The following KHDRBS3 variants were observed in gnomAD, a reference collection of about 807,000 sequenced individuals.
KHDRBS3 encodes KH RNA binding domain containing, signal transduction associated 3, also known as KH domain-containing, RNA-binding, signal transduction-associated protein 3.
KHDRBS3 carries 23 observed loss-of-function variants against 45.6 expected under a neutral mutation model. That is an observed-to-expected ratio of 0.50 (90% confidence interval 0.36 to 0.72). The LOEUF (loss-of-function observed/expected upper bound fraction) is 0.72. Ranked by LOEUF, KHDRBS3 falls within the 30% of genes least tolerant of loss-of-function variation. KHDRBS3 has a pLI of 0.00. For synonymous variants in KHDRBS3, 162 were observed against 156.5 expected, an observed-to-expected ratio of 1.04 and a Z score of -0.26; for missense variants, 352 against 424.8, an observed-to-expected ratio of 0.83 and a Z score of 1.51.
rs200239230 is a variant in KHDRBS3 at position 135,516,599 on chromosome 8, A to T, written c.89-4638A>T. Among the ~76,000 whole-genome samples the T allele has an allele frequency of 3.0e-4, 18 of 59,824 alleles. 1 individual carries two copies. The East Asian group carries it at 4.2e-3, about 14-fold the overall frequency. The allele number at this position is 59,824 out of a possible 152,430, so 39.2% of individuals were successfully genotyped here. ...GTGTGTGTGTGTGTGTGTGTGTGTG[A>T]GTAAACAGTGCATTTGGTACCGATC... On this transcript the variant is annotated intron_variant, in intron 1 of 8. Coordinates refer to ENST00000355849, the MANE Select transcript of KHDRBS3 (RefSeq NM_006558.3).
At chr8:135,477,828 A>G (rs1319381012) in intron 1 of KHDRBS3, among the ~76,000 whole-genome samples, 1 of 152,210 alleles carries the variant, frequency 6.6e-6, no homozygotes, top group African/African-American at 2.4e-5. Context: ...GATTGGCGTG[A>G]TATGGCCATA....
chr8:135,528,772 T>A (rs1825320472), intron 2 of KHDRBS3, among the ~76,000 whole-genome samples: 1 of 152,172 alleles, frequency 6.6e-6, no homozygotes, highest in African/African-American at 2.4e-5. Context: ...TCTTGCTGCC[T>A]CCTCGCATAG....
intron 5 of KHDRBS3, among the ~76,000 whole-genome samples, chr8:135,561,368 T>C (rs1265524722): frequency 6.6e-6 from 1 of 152,128 alleles, no homozygotes; most frequent in East Asian, 1.9e-4. Context: ...TTGTTAACAT[T>C]ACCATTTTTC....
chr8:135,609,046 C>T (rs942371234), intron 7 of KHDRBS3, among the ~76,000 whole-genome samples: 9 of 152,084 alleles, frequency 5.9e-5, no homozygotes, highest in South Asian at 2.1e-4. Flanking sequence ...AGGACATTAC[C>T]GCGCACCACT....
In KHDRBS3 at chr8:135,512,437, G is replaced by GGA. The variant is rs895045193; in HGVS notation, c.89-8799_89-8798insAG. Among the ~76,000 whole-genome samples the GGA allele has an allele frequency of 5.5e-5, 7 of 128,378 alleles. 1 individual carries two copies. The highest frequency in any genetic ancestry group is 2.4e-4 in the Admixed American group (3 of 12,686). The allele number at this position is 128,378 out of a possible 152,430, so 84.2% of individuals were successfully genotyped here. A position where few individuals can be genotyped will look rare whatever the true frequency, so the allele number is the denominator to read the frequency against. On this transcript the variant is annotated intron_variant, in intron 1 of 8. Transcript: ENST00000355849. ...AAGGTGTTTGGAAAAGTCGGGGGGG[G>GGA]GGTAATAACTCTATTGATCTTATTA... is the stretch of plus-strand genomic sequence containing the variant.
At chr8:135,635,525 A>G (rs891462004) in intron 7 of KHDRBS3, among the ~76,000 whole-genome samples, 1 of 152,164 alleles carries the variant, frequency 6.6e-6, no homozygotes. Flanking sequence ...CTGGGATTAT[A>G]GGCATGCGCC....
chr8:135,499,777 A>AT (rs1563724598), intron 1 of KHDRBS3, among the ~76,000 whole-genome samples: 2 of 152,026 alleles, frequency 1.3e-5, no homozygotes, highest in East Asian at 1.9e-4. Flanking sequence ...GTTGCTCTGA[A>AT]TTTTTTTTGA....
chr8:135,635,279 CA>C (rs1830762219), intron 7 of KHDRBS3, among the ~76,000 whole-genome samples: 1 of 152,132 alleles, frequency 6.6e-6, no homozygotes, highest in Non-Finnish European at 1.5e-5. Flanking sequence ...GTAGTTGGAA[CA>C]ACAGATGTGT....
chr8:135,528,726 A>C (rs900146312), intron 2 of KHDRBS3, among the ~76,000 whole-genome samples: 7 of 152,326 alleles, frequency 4.6e-5, no homozygotes, highest in Non-Finnish European at 8.8e-5. Context: ...GAAATCTAAG[A>C]TCAAGCCACC....
At chr8:135,602,204 T>G (rs1439972423) in intron 6 of KHDRBS3, among the ~76,000 whole-genome samples, 4 of 152,204 alleles carry the variant, frequency 2.6e-5, no homozygotes, top group Non-Finnish European at 5.9e-5. Context: ...ACCTGGAACC[T>G]TAGACACTGA....
intron 2 of KHDRBS3, among the ~76,000 whole-genome samples, chr8:135,529,979 G>A (rs1825387905): frequency 1.3e-5 from 2 of 151,546 alleles, no homozygotes; most frequent in African/African-American, 4.9e-5. Flanking sequence ...TGAAACCCGG[G>A]AGGTGGAGCT....
At chr8:135,538,001 G>A (rs1447532528) in intron 2 of KHDRBS3, among the ~76,000 whole-genome samples, 5 of 152,146 alleles carry the variant, frequency 3.3e-5, no homozygotes, top group African/African-American at 1.2e-4. Flanking sequence ...AATAGGGAGA[G>A]GGGATATTAA....
At chr8:135,640,703 A>G (rs1831024364) in intron 7 of KHDRBS3, among the ~76,000 whole-genome samples, 1 of 152,150 alleles carries the variant, frequency 6.6e-6, no homozygotes, top group Non-Finnish European at 1.5e-5. Context: ...GGTGCCAGGA[A>G]GGGAAGCCCC....
At chr8:135,464,288 T>C (rs1181892044) in intron 1 of KHDRBS3, among the ~76,000 whole-genome samples, 3 of 152,238 alleles carry the variant, frequency 2.0e-5, no homozygotes, top group Admixed American at 2.0e-4. Context: ...CACTTTTTTT[T>C]CTCCTGTGCT....
intron 1 of KHDRBS3, among the ~76,000 whole-genome samples, chr8:135,499,336 G>C (rs1012039477): frequency 2.0e-5 from 3 of 152,126 alleles, no homozygotes; most frequent in African/African-American, 7.2e-5. Context: ...TAAAGAAACA[G>C]AATGTCAGAA....
intron 6 of KHDRBS3, among the ~76,000 whole-genome samples, chr8:135,597,137 A>C (rs1017414528): frequency 6.6e-6 from 1 of 152,198 alleles, no homozygotes; most frequent in African/African-American, 2.4e-5. Flanking sequence ...CCTACAGATT[A>C]AGTGGTCAAG....
intron 1 of KHDRBS3, among the ~76,000 whole-genome samples, chr8:135,477,968 G>A (rs1183498270): frequency 2.6e-5 from 4 of 152,200 alleles, no homozygotes; most frequent in Non-Finnish European, 5.9e-5. Context: ...ATTACCACCT[G>A]AGCGCTGCCT....
intron 7 of KHDRBS3, among the ~76,000 whole-genome samples, chr8:135,640,828 A>G (rs768732188): frequency 2.6e-5 from 4 of 152,172 alleles, no homozygotes; most frequent in Non-Finnish European, 4.4e-5. Context: ...TCCATAAATG[A>G]AGAGATTTTT....
intron 4 of KHDRBS3, chr8:135,549,139 AAAAC>A (rs1826457678): frequency 3.2e-6 from 1 of 313,960 alleles, no homozygotes; most frequent in African/African-American, 2.1e-5. Flanking sequence ...ACATGGCTAA[AAAAC>A]TTGCATAGCA....
Sources: allele counts gnomAD v4.1 joint callset (sites outside exome capture counted in the v4.1 genomes callset), GRCh38; gene constraint gnomAD v4.1.1; transcripts MANE v1.5; gene names NCBI Gene and HGNC (gene_info 2026-07-23, HGNC 2026-07-21).